The following SATB2 variants were observed in gnomAD, a reference collection of about 807,000 sequenced individuals.
The protein encoded by SATB2 is SATB homeobox 2, also known as DNA-binding protein SATB2.
Under a neutral mutation model 73.4 loss-of-function variants are expected in SATB2, and 1 was observed. That is an observed-to-expected ratio of 0.01 (90% CI 0.00 to 0.06). SATB2 has a LOEUF of 0.06. SATB2 is among the 10% of genes least tolerant of loss of function. SATB2 has a pLI of 1.00. For missense variants in SATB2, 459 were observed against 945.8 expected (o/e 0.49, Z 6.75); for synonymous variants, 397 against 367.0 (o/e 1.08, Z -0.93).
intron 10 of SATB2, among the ~76,000 whole-genome samples, chr2:199,298,661 T>C (rs536072747): frequency 2.0e-5 from 3 of 152,148 alleles, no homozygotes; most frequent in Non-Finnish European, 4.4e-5. Flanking sequence ...GCTACCTTCA[T>C]CCCCTATTTC....
chr2:199,459,095 C>T (rs1208285803), upstream of SATB2, among the ~76,000 whole-genome samples: 1 of 151,998 alleles, frequency 6.6e-6, no homozygotes, highest in Non-Finnish European at 1.5e-5. The surrounding 1 kb of genome is among the most constrained non-coding windows in gnomAD (Gnocchi z 4.2). Context: ...CAAACCGGGC[C>T]GCCTGGAGCC....
upstream of SATB2, among the ~76,000 whole-genome samples, chr2:199,467,658 G>A (rs1432860382): frequency 2.0e-5 from 3 of 152,078 alleles, no homozygotes; most frequent in Non-Finnish European, 2.9e-5. Context: ...GCCTTCTCCC[G>A]GCTTTGGAAG....
chr2:199,429,091 C>T (rs1177038128), intron 3 of SATB2, among the ~76,000 whole-genome samples: 5 of 150,762 alleles, frequency 3.3e-5, no homozygotes, highest in African/African-American at 4.9e-5. Flanking sequence ...GGCTCATTAA[C>T]GATTTATTGA....
intron 3 of SATB2, among the ~76,000 whole-genome samples, chr2:199,414,386 T>C (rs1004780121): frequency 6.6e-5 from 10 of 152,194 alleles, no homozygotes; most frequent in African/African-American, 2.4e-4. Context: ...GGGATCTTGT[T>C]GTACTGGTAC....
intron 10 of SATB2, among the ~76,000 whole-genome samples, chr2:199,276,118 T>C (rs1574462320): frequency 6.6e-6 from 1 of 152,198 alleles, no homozygotes; most frequent in African/African-American, 2.4e-5. Context: ...TGTAGTACTT[T>C]ATTCTAGTGG....
chr2:199,368,026 T>C (rs1689338911), intron 6 of SATB2, among the ~76,000 whole-genome samples: 1 of 152,124 alleles, frequency 6.6e-6, no homozygotes, highest in African/African-American at 2.4e-5. Context: ...TATTGTCTTA[T>C]TTAGTCCTCG....
At chr2:199,355,380 T>C (rs943927126) in intron 6 of SATB2, among the ~76,000 whole-genome samples, 1 of 119,884 alleles carries the variant, frequency 8.3e-6, no homozygotes, top group African/African-American at 3.4e-5. Flanking sequence ...ATATATAGTC[T>C]TTCACTCCTA....
Position 199,323,935 on chromosome 2 carries a change from T to G in SATB2, c.1410A>C (p.Thr470=). The G allele has an allele frequency of 6.2e-7, 1 of 1,613,496 alleles. No homozygotes were observed. The highest frequency in any genetic ancestry group is 8.5e-7 in the Non-Finnish European group (1 of 1,179,546). Residue 470 remains threonine (T), a synonymous_variant, in exon 9 of 11, where the codon ACA becomes ACC. Coordinates refer to ENST00000417098, the MANE Select transcript of SATB2 (RefSeq NM_001172509.2). ...TPQAKTSTPT[T]DLPIKVDGAN... ...CGCCGTCCACCTTAATAGGGAGGTCTGTTGTCGGTGTCGAGGTTTTGGCCT... is the reference window on the plus strand; with the variant it reads ...CGCCGTCCACCTTAATAGGGAGGTCGGTTGTCGGTGTCGAGGTTTTGGCCT...
chr2:199,366,576 T>C (rs373442201), intron 6 of SATB2, among the ~76,000 whole-genome samples: 2 of 152,096 alleles, frequency 1.3e-5, no homozygotes, highest in East Asian at 1.9e-4. Context: ...AACTGTTTTA[T>C]GGCAGCTTGT....
Position 199,450,731 on chromosome 2 carries a change from T to C in SATB2, c.169+5138A>G, listed in dbSNP as rs577315062. Among the ~76,000 whole-genome samples the C allele has an allele frequency of 1.3e-4, 20 of 152,168 alleles. No individual in the cohort carries two copies. In the East Asian group the frequency reaches 3.7e-3, roughly 28 times the overall value. Reference sequence around the variant, plus strand: ...CATATGCTGATTCTATAATAAATACTTTTTAAAAAGAAAGAAAAATAGGGG... The same window carrying C: ...CATATGCTGATTCTATAATAAATACCTTTTAAAAAGAAAGAAAAATAGGGG... On this transcript the variant is annotated intron_variant, in intron 2 of 10. Transcript: ENST00000417098.
At position 199,348,807 on chromosome 2, in the gene SATB2, G is replaced by C. The variant is rs1688728713; in HGVS notation, c.1067C>G (p.Ser356Cys). ...GATATCTGGAGAGACTTCCACGGAA[G>C]AGTTGGTTGGCTCTGGCTTAACTGC... ...PRAVKPEPTN[S>C]SVEVSPDIYQ... The change falls in exon 7 of 11, where the codon TCT becomes TGT. Residue 356 changes from serine (S) to cysteine (C), a missense_variant. Transcript: ENST00000417098. The C allele has an allele frequency of 1.2e-6, 2 of 1,612,740 alleles. No individual in the cohort carries two copies. Among genetic ancestry groups the C allele is most frequent in the African/African-American group, 1.3e-5 (1 of 74,924 alleles).
chr2:199,316,810 T>G (rs1687748432), intron 9 of SATB2, among the ~76,000 whole-genome samples: 2 of 152,008 alleles, frequency 1.3e-5, no homozygotes, highest in Admixed American at 1.3e-4. Context: ...CATACATGGG[T>G]ACATGCACCT....
upstream of SATB2, among the ~76,000 whole-genome samples, chr2:199,461,215 G>A (rs1692468782): frequency 6.6e-6 from 1 of 152,120 alleles, no homozygotes; most frequent in Non-Finnish European, 1.5e-5. Flanking sequence ...TTGTCCTCTC[G>A]AGTTTTGTCT....
At chr2:199,467,347 G>C (rs186501444), upstream of SATB2, 1 of 152,298 alleles carries the variant, frequency 6.6e-6, no homozygotes, top group Non-Finnish European at 1.5e-5. Context: ...GGCGAAAAAG[G>C]GGGAGGCAAG....
At chr2:199,313,403 A>C (rs1047797261) in intron 9 of SATB2, among the ~76,000 whole-genome samples, 7 of 152,234 alleles carry the variant, frequency 4.6e-5, no homozygotes, top group Non-Finnish European at 8.8e-5. Flanking sequence ...GAATCTATTA[A>C]TAAGTTCAAA....
chr2:199,309,515 C>T (rs1322251461), intron 9 of SATB2, among the ~76,000 whole-genome samples: 1 of 152,232 alleles, frequency 6.6e-6, no homozygotes, highest in East Asian at 1.9e-4. Context: ...ATACCTCGGG[C>T]TCTAGGCCCT....
rs146167961 is a variant in SATB2, at chr2:199,361,649, A to G, written c.700+6956T>C. 2.2e-3 allele frequency among the ~76,000 whole-genome samples: 332 copies of G among 152,006 alleles called. 1 individual carries two copies. Among genetic ancestry groups the G allele is most frequent in the African/African-American group, 7.2e-3 (297 of 41,474 alleles). On this transcript the variant is annotated intron_variant, in intron 6 of 10. Coordinates refer to ENST00000417098, the MANE Select transcript of SATB2 (RefSeq NM_001172509.2). ...TGAAAAACCTTCAAGGATTCTCAAA[A>G]TACGTCAACTGGGCTTTCAAAGACC...
At chr2:199,377,521 A>G (rs1689639983) in intron 5 of SATB2, among the ~76,000 whole-genome samples, 1 of 152,216 alleles carries the variant, frequency 6.6e-6, no homozygotes, top group South Asian at 2.1e-4. Flanking sequence ...CCCACTCTCA[A>G]GAGATATTTT....
In SATB2 at chr2:199,457,793, G is replaced by C. The variant is rs1012269163; in HGVS notation, c.-514C>G. The C allele has an allele frequency of 6.4e-6, 1 of 156,322 alleles. No homozygotes were observed. Among genetic ancestry groups the C allele is most frequent in the Non-Finnish European group, 1.4e-5 (1 of 70,716 alleles). 9.7% of individuals were successfully genotyped at this position (156,322 alleles called of 1,614,324 possible). A position where few individuals can be genotyped will look rare whatever the true frequency, so the allele number is the denominator to read the frequency against. On this transcript the variant is annotated 5_prime_UTR_variant, in exon 1 of 11. Coordinates refer to ENST00000417098, the MANE Select transcript of SATB2 (RefSeq NM_001172509.2). This position sits in a 1 kb window ranked among gnomAD's most constrained non-coding sequence, Gnocchi z 4.8. The stretch of plus-strand genomic sequence containing the variant: ...GGCGGCTAGCTCGCGAGGAGGCGCG[G>C]CCAGAGCGGTGGGACCGGTAACACC...
Sources: allele counts gnomAD v4.1 joint callset (sites outside exome capture counted in the v4.1 genomes callset), GRCh38; gene constraint gnomAD v4.1.1; non-coding constraint Gnocchi (gnomAD v3.1); transcripts MANE v1.5; gene names NCBI Gene and HGNC (gene_info 2026-07-23, HGNC 2026-07-21).